The following GRM1 variants were observed in gnomAD, a reference collection of about 807,000 sequenced individuals.
GRM1 encodes metabotropic glutamate receptor 1.
In GRM1, 33 loss-of-function variants were observed where a neutral mutation model predicts 90.9. The observed-to-expected ratio is 0.36, with a 90% CI of 0.28 to 0.49. The LOEUF (loss-of-function observed/expected upper bound fraction) is 0.49. GRM1 is among the 20% of genes least tolerant of loss of function. The pLI is 0.99. For synonymous variants in GRM1, 700 were observed against 613.2 expected (o/e 1.14, Z -2.09); for missense variants, 1,190 against 1,534.3 (o/e 0.78, Z 3.75).
intron 2 of GRM1, among the ~76,000 whole-genome samples, chr6:146,270,897 CTTTCTTTCTTTCTTT>C (rs2114823047): frequency 1.9e-4 from 22 of 113,908 alleles, no homozygotes; most frequent in African/African-American, 3.8e-4. Flanking sequence ...TTCTTTCTTT[CTTTCTTTCTTTCTTT>C]CTTCCTTCCT....
chr6:146,072,987 A>G (rs1366213454), intron 1 of GRM1, among the ~76,000 whole-genome samples: 2 of 152,170 alleles, frequency 1.3e-5, no homozygotes, highest in Non-Finnish European at 1.5e-5. Flanking sequence ...CCACCTGAAT[A>G]TGTATACTCA....
At chr6:146,422,842 T>C (rs1477267032) in intron 7 of GRM1, among the ~76,000 whole-genome samples, 1 of 151,862 alleles carries the variant, frequency 6.6e-6, no homozygotes, top group Non-Finnish European at 1.5e-5. Context: ...TGGAAATATA[T>C]GGGTAAAGTT....
intron 1 of GRM1, among the ~76,000 whole-genome samples, chr6:146,158,887 A>T (rs1214508789): frequency 1.3e-5 from 2 of 152,128 alleles, no homozygotes; most frequent in Non-Finnish European, 2.9e-5. Flanking sequence ...TTGCTTGCTC[A>T]TTCTTCGTGG....
At chr6:146,263,129 G>C (rs1401379919) in intron 2 of GRM1, among the ~76,000 whole-genome samples, 1 of 151,830 alleles carries the variant, frequency 6.6e-6, no homozygotes, top group Non-Finnish European at 1.5e-5. Context: ...TCTTAGAAAC[G>C]TATCAGGATA....
chr6:146,433,819 A>T (rs1027979346), intron 7 of GRM1, 53 bp from the exon 8 acceptor site: 2 of 1,258,636 alleles, frequency 1.6e-6, no homozygotes, highest in African/African-American at 1.5e-5. Context: ...TATGTATTTT[A>T]TCCTGTGTGC....
chr6:146,122,839 C>CTTTTTTTTTTTTT (rs57859188), intron 1 of GRM1, among the ~76,000 whole-genome samples: 40 of 62,206 alleles, frequency 6.4e-4, no homozygotes, highest in East Asian at 1.1e-3. Flanking sequence ...TCTTTTCTTT[C>CTTTTTTTTTTTTT]TTTTTTTTTT....
At chr6:146,239,943 G>C (rs1023170628) in intron 2 of GRM1, among the ~76,000 whole-genome samples, 1 of 152,106 alleles carries the variant, frequency 6.6e-6, no homozygotes, top group African/African-American at 2.4e-5. Flanking sequence ...GTCATGAGAA[G>C]AGCACAAGCT....
At position 146,210,404 on chromosome 6, in the gene GRM1, C is replaced by T. The variant is rs118111656; in HGVS notation, c.950+50807C>T. Reference sequence around the variant, plus strand: ...ATGAAGCAGACACACTGCAAGATGCCGTAAGGTTACAATGAAACTAATTAT... The same window carrying T: ...ATGAAGCAGACACACTGCAAGATGCTGTAAGGTTACAATGAAACTAATTAT... On this transcript the variant is annotated intron_variant, in intron 2 of 7. Transcript: ENST00000282753. 1.5e-3 allele frequency among the ~76,000 whole-genome samples: 222 copies of T among 152,240 alleles called. 2 individuals carry two copies. In the East Asian group the frequency reaches 0.031, roughly 21 times the overall value.
chr6:146,403,981 T>C (rs940137844), intron 7 of GRM1, among the ~76,000 whole-genome samples: 2 of 152,136 alleles, frequency 1.3e-5, no homozygotes, highest in African/African-American at 4.8e-5. Context: ...AAATTCTCTC[T>C]TCTAACTACT....
At chr6:146,408,880 A>G (rs1320352036) in intron 7 of GRM1, among the ~76,000 whole-genome samples, 1 of 152,124 alleles carries the variant, frequency 6.6e-6, no homozygotes, top group Non-Finnish European at 1.5e-5. Context: ...AGTGAAGCAG[A>G]CTGTGTGAAC....
intron 2 of GRM1, among the ~76,000 whole-genome samples, chr6:146,226,770 A>T (rs970491363): frequency 6.6e-6 from 1 of 152,136 alleles, no homozygotes; most frequent in African/African-American, 2.4e-5. Flanking sequence ...TAATGGACAG[A>T]CTTGCAATAT....
chr6:146,064,170 G>T (rs567518427), intron 1 of GRM1, among the ~76,000 whole-genome samples: 3 of 152,258 alleles, frequency 2.0e-5, no homozygotes, highest in Non-Finnish European at 4.4e-5. Context: ...AAATAGTTAA[G>T]AATTAGCAAG....
chr6:146,135,682 A>G (rs1292800558), intron 1 of GRM1, among the ~76,000 whole-genome samples: 2 of 152,162 alleles, frequency 1.3e-5, no homozygotes, highest in Non-Finnish European at 2.9e-5. Flanking sequence ...AAGGGTATAT[A>G]TTTATGGAGT....
rs368194767 is a variant in GRM1, at chr6:146,029,941, C to T, written c.424C>T (p.Pro142Ser). 1.2e-6 allele frequency: 2 copies of T among 1,614,014 alleles called. No homozygotes were observed. The highest frequency in any genetic ancestry group is 2.7e-5 in the African/African-American group (2 of 74,910). Residue 142 changes from proline (P) to serine (S), a missense_variant, in exon 1 of 8, where the codon CCT (proline) becomes TCT (serine). Pro to Ser is a moderately conservative substitution (Grantham distance 74). Coordinates refer to ENST00000282753, the MANE Select transcript of GRM1 (RefSeq NM_001278064.2). The stretch of plus-strand genomic sequence containing the variant: ...GAAGGATGGGATCAACCGGTGTCTG[C>T]CTGACGGCCAGTCCCTCCCCCCAGG... ...DEKDGINRCL[P>S]DGQSLPPGRT...
chr6:146,434,305 G>C lies in GRM1; in HGVS notation c.3094G>C (p.Asp1032His). Residue 1032 changes from aspartate to histidine, a missense_variant, in exon 8 of 8, where the codon GAC (aspartate) becomes CAC (histidine). By Grantham distance (81) the Asp-to-His change is moderately conservative (BLOSUM62 -1). Coordinates refer to ENST00000282753, the MANE Select transcript of GRM1 (RefSeq NM_001278064.2). Reference protein sequence around the residue: ...QPPPQQKSLMDQLQGVVSNFS... With the variant: ...QPPPQQKSLMHQLQGVVSNFS... ...CCCTCCACAGCAGAAATCGCTGATGGACCAGCTCCAGGGAGTGGTCAGCAA... is the reference window on the plus strand; with the variant it reads ...CCCTCCACAGCAGAAATCGCTGATGCACCAGCTCCAGGGAGTGGTCAGCAA... The C allele has an allele frequency of 6.2e-7, 1 of 1,605,946 alleles. No individual in the cohort carries two copies. The highest frequency in any genetic ancestry group is 8.5e-7 in the Non-Finnish European group (1 of 1,174,084).
At chr6:146,326,730 C>A (rs1291637574) in intron 3 of GRM1, among the ~76,000 whole-genome samples, 1 of 152,124 alleles carries the variant, frequency 6.6e-6, no homozygotes, top group East Asian at 1.9e-4. Context: ...TTGTAAAAAA[C>A]TTTACTGAAG....
chr6:146,260,528 G>A (rs958521287), intron 2 of GRM1, among the ~76,000 whole-genome samples: 4 of 152,114 alleles, frequency 2.6e-5, no homozygotes, highest in African/African-American at 9.7e-5. Context: ...TAATGGGATT[G>A]CTGGGTTAAA....
At chr6:146,395,443 T>C (rs1388471914) in intron 6 of GRM1, among the ~76,000 whole-genome samples, 1 of 152,146 alleles carries the variant, frequency 6.6e-6, no homozygotes, top group Non-Finnish European at 1.5e-5. Flanking sequence ...CTTCTGAAAG[T>C]GCTTTATGCA....
chr6:146,166,950 T>G (rs78133699), intron 2 of GRM1, among the ~76,000 whole-genome samples: 1,856 of 152,282 alleles, frequency 0.012, 76 homozygotes, highest in East Asian at 0.092. Flanking sequence ...TCACCAATTT[T>G]ATGTGTTTAT....
Sources: allele counts gnomAD v4.1 joint callset (sites outside exome capture counted in the v4.1 genomes callset), GRCh38; gene constraint gnomAD v4.1.1; transcripts MANE v1.5; gene names NCBI Gene and HGNC (gene_info 2026-07-23, HGNC 2026-07-21).